Variants in SLC4A4 observed in about 807,000 individuals in gnomAD.
SLC4A4 encodes solute carrier family 4 member 4.
A neutral mutation model predicts 111.5 loss-of-function variants in SLC4A4; 27 were observed. That is an observed-to-expected ratio of 0.24 (90% confidence interval 0.18 to 0.33). SLC4A4 has a LOEUF of 0.33. Among genes scored for constraint, SLC4A4 ranks in the 10% least tolerant of loss-of-function variants. SLC4A4 has a pLI of 1.00. For synonymous variants in SLC4A4, 443 were observed against 463.4 expected, an observed-to-expected ratio of 0.96 and a Z score of 0.57; for missense variants, 909 against 1,315.5, an observed-to-expected ratio of 0.69 and a Z score of 4.78.
At chr4:71,164,380 CAA>C (rs766735805) in intron 2 of SLC4A4, among the ~76,000 whole-genome samples, 30 of 65,032 alleles carry the variant, frequency 4.6e-4, no homozygotes, top group Middle Eastern at 9.6e-3. Context: ...ACTCTGTCTC[CAA>C]AAAAAAAAAA....
intron 1 of SLC4A4, among the ~76,000 whole-genome samples, chr4:71,195,498 CA>C (rs550260951): frequency 9.3e-4 from 142 of 152,176 alleles, no homozygotes; most frequent in Non-Finnish European, 1.6e-3. Context: ...TTTTCTGTTA[CA>C]GACATAATGT....
intron 6 of SLC4A4, among the ~76,000 whole-genome samples, chr4:71,385,913 A>T (rs1718672370): frequency 1.3e-5 from 2 of 152,004 alleles, no homozygotes; most frequent in Admixed American, 1.3e-4. Flanking sequence ...TGCGTTGGAG[A>T]CCATATATCT....
chr4:71,437,714 T>G (rs1469128010), intron 7 of SLC4A4: 9 of 357,244 alleles, frequency 2.5e-5, no homozygotes, highest in Non-Finnish European at 4.4e-5. Context: ...ATGGAGATCT[T>G]ATTGGGATGA....
intron 1 of SLC4A4, among the ~76,000 whole-genome samples, chr4:71,068,212 G>A (rs1741577985): frequency 6.6e-6 from 1 of 151,832 alleles, no homozygotes; most frequent in Non-Finnish European, 1.5e-5. Flanking sequence ...TTACAGGCAA[G>A]TGCCACCACA....
At chr4:71,167,897 T>C (rs1320919602) in intron 2 of SLC4A4, among the ~76,000 whole-genome samples, 2 of 152,158 alleles carry the variant, frequency 1.3e-5, no homozygotes, top group African/African-American at 4.8e-5. Flanking sequence ...ATTTATTCAC[T>C]TCTCTCTATC....
chr4:71,420,655 G>C (rs545154141), intron 7 of SLC4A4, among the ~76,000 whole-genome samples: 23 of 152,226 alleles, frequency 1.5e-4, no homozygotes, highest in African/African-American at 5.1e-4. Context: ...AACCCTACAA[G>C]CCAGAAGAGA....
At chr4:71,128,368 T>G (rs1030558620) in intron 2 of SLC4A4, among the ~76,000 whole-genome samples, 7 of 152,146 alleles carry the variant, frequency 4.6e-5, no homozygotes, top group African/African-American at 1.7e-4. Flanking sequence ...TTCAGTCATC[T>G]CCCACTGGGT....
intron 2 of SLC4A4, among the ~76,000 whole-genome samples, chr4:71,134,853 T>C (rs1482790110): frequency 1.3e-5 from 2 of 152,142 alleles, no homozygotes; most frequent in East Asian, 3.8e-4. Flanking sequence ...AGCTCAGTGC[T>C]GAATTTTAGG....
intron 15 of SLC4A4, among the ~76,000 whole-genome samples, chr4:71,489,858 G>A (rs1729744795): frequency 6.6e-6 from 1 of 151,740 alleles, no homozygotes; most frequent in Non-Finnish European, 1.5e-5. Context: ...CATCCTGTCA[G>A]ATGAAGGAAG....
At position 71,379,626 on chromosome 4, in the gene SLC4A4, G is replaced by A. The variant is rs549008160; in HGVS notation, c.731-17951G>A. 5.9e-5 allele frequency among the ~76,000 whole-genome samples: 9 copies of A among 151,972 alleles called. No homozygotes were observed. In the East Asian group the frequency reaches 1.7e-3, roughly 29 times the overall value. ...TACAAATATGTTTCCTTCATCATTG[G>A]CAAAGTATCTAAAGAGCTTGAGCAG... On this transcript the variant is annotated intron_variant, in intron 6 of 25. Transcript: ENST00000264485.
At chr4:71,536,472 AT>A (rs2149217192) in intron 18 of SLC4A4, among the ~76,000 whole-genome samples, 2 of 87,190 alleles carry the variant, frequency 2.3e-5, no homozygotes, top group Non-Finnish European at 4.6e-5. Flanking sequence ...ATACATATAT[AT>A]ATATATATAT....
At chr4:71,156,539 A>T (rs1456075999) in intron 2 of SLC4A4, among the ~76,000 whole-genome samples, 1 of 124,324 alleles carries the variant, frequency 8.0e-6, no homozygotes, top group East Asian at 2.6e-4. Flanking sequence ...CCTTGAGAGA[A>T]GTTGGCTTAT....
chr4:71,408,628 A>G (rs753245747), intron 7 of SLC4A4, among the ~76,000 whole-genome samples: 6 of 152,194 alleles, frequency 3.9e-5, no homozygotes, highest in Non-Finnish European at 8.8e-5. Context: ...CATTTCATGA[A>G]TCTTATTGAA....
intron 2 of SLC4A4, among the ~76,000 whole-genome samples, chr4:71,153,291 G>T (rs1278784373): frequency 6.6e-6 from 1 of 151,964 alleles, no homozygotes; most frequent in Non-Finnish European, 1.5e-5. Context: ...CGTTAAGGGT[G>T]GGTCTGCCTT....
intron 2 of SLC4A4, among the ~76,000 whole-genome samples, chr4:71,240,890 G>T (rs941486972): frequency 6.6e-6 from 1 of 152,042 alleles, no homozygotes; most frequent in Non-Finnish European, 1.5e-5. Flanking sequence ...GGCCAAGGTG[G>T]GAGGATCACT....
chr4:71,454,097 C>G (rs558572859), intron 12 of SLC4A4, among the ~76,000 whole-genome samples: 1 of 152,094 alleles, frequency 6.6e-6, no homozygotes, highest in Non-Finnish European at 1.5e-5. Context: ...AACCATTGAG[C>G]GATTTGCTCA....
At chr4:71,121,264 A>G (rs114272396) in intron 2 of SLC4A4, among the ~76,000 whole-genome samples, 1,884 of 149,078 alleles carry the variant, frequency 0.013, 43 homozygotes, top group African/African-American at 0.044. Context: ...AGACTCCCCA[A>G]TGGGCACTGC....
chr4:71,373,260 C>G (rs763298968), intron 6 of SLC4A4, among the ~76,000 whole-genome samples: 12 of 152,170 alleles, frequency 7.9e-5, no homozygotes, highest in Non-Finnish European at 1.6e-4. Flanking sequence ...ATGGTAAGTG[C>G]CACCAGGAGG....
chr4:71,336,318 C>T (rs1456036431), intron 3 of SLC4A4, among the ~76,000 whole-genome samples: 4 of 152,158 alleles, frequency 2.6e-5, no homozygotes, highest in African/African-American at 9.6e-5. Flanking sequence ...TGAAATTATG[C>T]AAAACAATCC....
Sources: allele counts gnomAD v4.1 joint callset (sites outside exome capture counted in the v4.1 genomes callset), GRCh38; gene constraint gnomAD v4.1.1; transcripts MANE v1.5; gene names NCBI Gene and HGNC (gene_info 2026-07-23, HGNC 2026-07-21).